Variants in SGCD observed in about 807,000 individuals in gnomAD.
SGCD encodes sarcoglycan delta.
A neutral mutation model predicts 36.6 loss-of-function variants in SGCD; 18 were observed. That is an observed-to-expected ratio of 0.49 (90% confidence interval 0.34 to 0.73). The LOEUF (loss-of-function observed/expected upper bound fraction) is 0.73. Among genes scored for constraint, SGCD ranks in the 30% least tolerant of loss-of-function variants. The pLI, the probability that SGCD is intolerant of heterozygous loss-of-function variation, is 0.01. For synonymous variants in SGCD, 133 were observed against 130.6 expected, an observed-to-expected ratio of 1.02 and a Z score of -0.12; for missense variants, 387 against 346.7, an observed-to-expected ratio of 1.12 and a Z score of -0.92.
chr5:156,177,202 A>G (rs184225623), intron 3 of SGCD, among the ~76,000 whole-genome samples: 4 of 152,094 alleles, frequency 2.6e-5, no homozygotes, highest in Non-Finnish European at 5.9e-5. Flanking sequence ...GGGTTTTACC[A>G]TGTTGGCCAG....
At chr5:156,550,757 T>C (rs79527093) in intron 4 of SGCD, among the ~76,000 whole-genome samples, 4,841 of 152,312 alleles carry the variant, frequency 0.032, 266 homozygotes, top group African/African-American at 0.11. Context: ...AGGACCTGGT[T>C]GAGAACTGTT....
At chr5:156,484,170 A>G (rs1755560619) in intron 3 of SGCD, among the ~76,000 whole-genome samples, 1 of 152,230 alleles carries the variant, frequency 6.6e-6, no homozygotes, top group Non-Finnish European at 1.5e-5. Context: ...GTCATTAAAG[A>G]AAAGGGAAAC....
intron 3 of SGCD, among the ~76,000 whole-genome samples, chr5:156,449,653 G>A (rs1408098866): frequency 1.7e-5 from 2 of 115,402 alleles, no homozygotes; most frequent in African/African-American, 6.9e-5. Flanking sequence ...CCAACATGTT[G>A]AAACTCCGTC....
intron 3 of SGCD, among the ~76,000 whole-genome samples, chr5:156,169,350 C>T (rs544593341): frequency 2.0e-5 from 3 of 152,324 alleles, no homozygotes; most frequent in African/African-American, 7.2e-5. Context: ...TATAACCACA[C>T]ATTTTGTAAA....
chr5:155,735,619 G>A, the SGCD span, among the ~76,000 whole-genome samples: 1 of 152,206 alleles, frequency 6.6e-6, no homozygotes, highest in Admixed American at 6.5e-5. Context: ...CACATGCTTG[G>A]TGAGCTACTT....
intron 1 of SGCD, among the ~76,000 whole-genome samples, chr5:155,966,612 T>C (rs1757906242): frequency 1.3e-5 from 2 of 152,134 alleles, no homozygotes; most frequent in Admixed American, 6.6e-5. Flanking sequence ...TTAACCTTTC[T>C]TTTACCAGCT....
At chr5:156,490,724 A>G (rs1191260952) in intron 3 of SGCD, among the ~76,000 whole-genome samples, 1 of 151,934 alleles carries the variant, frequency 6.6e-6, no homozygotes, top group Non-Finnish European at 1.5e-5. Flanking sequence ...TAAAGGTCAT[A>G]TATGACAAAC....
At chr5:156,441,681 T>C (rs941929234) in intron 3 of SGCD, among the ~76,000 whole-genome samples, 2 of 152,168 alleles carry the variant, frequency 1.3e-5, no homozygotes, top group African/African-American at 2.4e-5. Flanking sequence ...TCTTTCTCCA[T>C]GGGTTTTATA....
chr5:156,620,831 T>C (rs1762215026), intron 6 of SGCD, among the ~76,000 whole-genome samples: 2 of 152,180 alleles, frequency 1.3e-5, no homozygotes, highest in Non-Finnish European at 2.9e-5. Flanking sequence ...AAGGAATATC[T>C]CAGGGTTGTG....
chr5:156,241,137 G>T (rs774183843), intron 3 of SGCD, among the ~76,000 whole-genome samples: 1 of 152,152 alleles, frequency 6.6e-6, no homozygotes, highest in Non-Finnish European at 1.5e-5. Flanking sequence ...ATAAACGATT[G>T]AGAAATTGAG....
At chr5:155,990,704 T>C (rs1481373364) in intron 1 of SGCD, among the ~76,000 whole-genome samples, 1 of 152,244 alleles carries the variant, frequency 6.6e-6, no homozygotes, top group African/African-American at 2.4e-5. Flanking sequence ...CTAACATTTA[T>C]TGAATACTTA....
chr5:156,490,069 T>A (rs1381296637), intron 3 of SGCD, among the ~76,000 whole-genome samples: 1 of 151,912 alleles, frequency 6.6e-6, no homozygotes, highest in Non-Finnish European at 1.5e-5. Context: ...GGATAAAGAC[T>A]ATTATAAACA....
At chr5:156,373,986 A>T (rs1183877011) in intron 3 of SGCD, among the ~76,000 whole-genome samples, 1 of 152,184 alleles carries the variant, frequency 6.6e-6, no homozygotes, top group Non-Finnish European at 1.5e-5. Flanking sequence ...GAAGAAGAGT[A>T]GAGAAATGAA....
intron 1 of SGCD, among the ~76,000 whole-genome samples, chr5:155,975,818 C>T (rs927009844): frequency 3.3e-5 from 5 of 150,662 alleles, no homozygotes; most frequent in South Asian, 2.1e-4. Context: ...TTAGTAGAGA[C>T]GGGGTTTTGC....
At chr5:155,945,207 T>C (rs935614830) in intron 1 of SGCD, among the ~76,000 whole-genome samples, 1 of 152,194 alleles carries the variant, frequency 6.6e-6, no homozygotes, top group African/African-American at 2.4e-5. Context: ...ACCATGTTAA[T>C]ACTGCCAAAT....
At chr5:156,726,930 G>A (rs1755803876) in intron 7 of SGCD, among the ~76,000 whole-genome samples, 1 of 152,160 alleles carries the variant, frequency 6.6e-6, no homozygotes, top group South Asian at 2.1e-4. Flanking sequence ...GCAAAACAGG[G>A]ATAGTAATAG....
chr5:156,130,939 G>C (rs1762307386), intron 3 of SGCD, among the ~76,000 whole-genome samples: 1 of 152,118 alleles, frequency 6.6e-6, no homozygotes, highest in Non-Finnish European at 1.5e-5. Context: ...ACGTTGGCCA[G>C]GCTGGTCTCA....
At chr5:156,707,544 A>G (rs1436267215) in intron 7 of SGCD, among the ~76,000 whole-genome samples, 2 of 152,182 alleles carry the variant, frequency 1.3e-5, no homozygotes, top group Non-Finnish European at 2.9e-5. Flanking sequence ...GAAGGATACA[A>G]GAAAATAGAA....
intron 3 of SGCD, among the ~76,000 whole-genome samples, chr5:156,280,575 G>A (rs926645948): frequency 2.0e-5 from 3 of 152,048 alleles, no homozygotes; most frequent in African/African-American, 4.8e-5. Context: ...TCTCTCTTTG[G>A]GTTCTGCAAT....
Sources: allele counts gnomAD v4.1 joint callset (sites outside exome capture counted in the v4.1 genomes callset), GRCh38; gene constraint gnomAD v4.1.1; transcripts MANE v1.5; gene names NCBI Gene and HGNC (gene_info 2026-07-23, HGNC 2026-07-21).